The following DLG2 variants were observed in gnomAD, a reference collection of about 807,000 sequenced individuals.
The protein encoded by DLG2 is disks large homolog 2.
DLG2 carries 45 observed loss-of-function variants against 132.5 expected under a neutral mutation model. The observed-to-expected ratio is 0.34, with a 90% confidence interval of 0.27 to 0.44. The LOEUF (loss-of-function observed/expected upper bound fraction) is 0.44, where lower values mean the gene tolerates loss of function less well. Among genes scored for constraint, DLG2 ranks in the 20% least tolerant of loss-of-function variants. The pLI, the probability that DLG2 is intolerant of heterozygous loss-of-function variation, is 1.00. For synonymous variants in DLG2, 424 were observed against 419.6 expected (o/e 1.01, Z -0.13); for missense variants, 1,045 against 1,196.9 (o/e 0.87, Z 1.87).
chr11:85,334,479 TTA>T (rs2081991592), intron 3 of DLG2, among the ~76,000 whole-genome samples: 1 of 152,190 alleles, frequency 6.6e-6, no homozygotes, highest in Admixed American at 6.5e-5. Context: ...AGCTTTAGCA[TTA>T]GTTTGCTCTT....
At chr11:85,243,484 G>C (rs2075990045) in intron 4 of DLG2, among the ~76,000 whole-genome samples, 2 of 152,026 alleles carry the variant, frequency 1.3e-5, no homozygotes, top group South Asian at 4.1e-4. Flanking sequence ...TTTTTGCTAT[G>C]ACTACAAGTT....
At chr11:83,510,093 C>T (rs2094927670) in intron 21 of DLG2, among the ~76,000 whole-genome samples, 1 of 152,176 alleles carries the variant, frequency 6.6e-6, no homozygotes. Flanking sequence ...GTCACTTTTG[C>T]TCCCTGAACA....
chr11:83,975,128 A>G (rs2092003857), intron 12 of DLG2, among the ~76,000 whole-genome samples: 1 of 152,076 alleles, frequency 6.6e-6, no homozygotes, highest in Non-Finnish European at 1.5e-5. Flanking sequence ...GAAAAAGGGG[A>G]AGAAGTTAAC....
intron 6 of DLG2, among the ~76,000 whole-genome samples, chr11:84,845,526 G>A (rs150318230): frequency 6.6e-6 from 1 of 152,142 alleles, no homozygotes; most frequent in South Asian, 2.1e-4. Flanking sequence ...CTAACATCCA[G>A]TGAACATGTC....
At chr11:84,744,020 G>A (rs996632318) in intron 6 of DLG2, among the ~76,000 whole-genome samples, 2 of 152,138 alleles carry the variant, frequency 1.3e-5, no homozygotes, top group African/African-American at 4.8e-5. Context: ...CACCGTGCCC[G>A]GCCGGAAACA....
intron 3 of DLG2, among the ~76,000 whole-genome samples, chr11:85,563,432 G>C (rs946772442): frequency 5.3e-5 from 8 of 150,230 alleles, no homozygotes; most frequent in Non-Finnish European, 1.2e-4. Flanking sequence ...AAAAAAAAAA[G>C]TTCCTTTGTG....
intron 21 of DLG2, among the ~76,000 whole-genome samples, chr11:83,508,219 G>C (rs1336508638): frequency 6.6e-6 from 1 of 150,770 alleles, no homozygotes; most frequent in Admixed American, 6.6e-5. Context: ...CTCAAATTGT[G>C]TCTTTTTCCC....
intron 3 of DLG2, among the ~76,000 whole-genome samples, chr11:85,592,559 G>C (rs1335779375): frequency 1.3e-5 from 2 of 152,088 alleles, no homozygotes; most frequent in Non-Finnish European, 2.9e-5. Flanking sequence ...TCTATCCATA[G>C]AATAATTATT....
intron 6 of DLG2, among the ~76,000 whole-genome samples, chr11:85,004,009 TG>T (rs1472934252): frequency 6.6e-6 from 1 of 152,186 alleles, no homozygotes; most frequent in Non-Finnish European, 1.5e-5. Context: ...CTGAAAATGA[TG>T]GTTTCCAGCT....
chr11:84,488,581 G>A (rs1603135255), intron 7 of DLG2, among the ~76,000 whole-genome samples: 1 of 152,046 alleles, frequency 6.6e-6, no homozygotes, highest in East Asian at 1.9e-4. Context: ...CCAGCACCCT[G>A]CATTTTCCAT....
At chr11:84,591,680 A>T (rs1259194681) in intron 6 of DLG2, among the ~76,000 whole-genome samples, 1 of 151,836 alleles carries the variant, frequency 6.6e-6, no homozygotes, top group African/African-American at 2.4e-5. Context: ...AAAAAAATAA[A>T]AATAATAATA....
intron 14 of DLG2, among the ~76,000 whole-genome samples, chr11:83,937,825 G>A (rs2081840849): frequency 6.6e-6 from 1 of 152,170 alleles, no homozygotes. Context: ...CAATTTAGTT[G>A]TGGTATGTTG....
chr11:83,829,873 T>A (rs2053965624), intron 17 of DLG2, among the ~76,000 whole-genome samples: 2 of 152,278 alleles, frequency 1.3e-5, no homozygotes, highest in East Asian at 1.9e-4. Flanking sequence ...ATTAGGTATA[T>A]CCCCTAATGC....
chr11:84,841,677 C>A (rs973366075), intron 6 of DLG2, among the ~76,000 whole-genome samples: 1 of 151,948 alleles, frequency 6.6e-6, no homozygotes, highest in African/African-American at 2.4e-5. Context: ...CTGAACAGTT[C>A]CATTTTTCCA....
intron 16 of DLG2, among the ~76,000 whole-genome samples, chr11:83,872,447 A>G (rs2063655084): frequency 6.6e-6 from 1 of 152,218 alleles, no homozygotes; most frequent in South Asian, 2.1e-4. Flanking sequence ...TATTCACTAG[A>G]TATAAGGCAA....
intron 3 of DLG2, among the ~76,000 whole-genome samples, chr11:85,455,675 C>A (rs1043435400): frequency 1.3e-5 from 2 of 152,024 alleles, no homozygotes; most frequent in African/African-American, 4.8e-5. Context: ...ACAGATGGCT[C>A]TTATTATTTT....
intron 6 of DLG2, among the ~76,000 whole-genome samples, chr11:84,851,127 AC>A (rs1051595991): frequency 1.3e-5 from 2 of 152,050 alleles, no homozygotes; most frequent in Non-Finnish European, 2.9e-5. Flanking sequence ...ATCCCAGAAT[AC>A]CTCCATATGC....
chr11:83,889,304 A>G (rs1425916683), intron 15 of DLG2, among the ~76,000 whole-genome samples: 1 of 152,100 alleles, frequency 6.6e-6, no homozygotes, highest in Non-Finnish European at 1.5e-5. Flanking sequence ...AAGGACATGA[A>G]CAGACACTTC....
chr11:83,963,535 G>A (rs898001032), intron 13 of DLG2, among the ~76,000 whole-genome samples: 2 of 151,710 alleles, frequency 1.3e-5, no homozygotes, highest in African/African-American at 2.4e-5. Flanking sequence ...CCTTTTAGGT[G>A]ACTAAAAACA....
Sources: gnomAD v4.1 joint callset for allele counts (sites outside exome capture counted in the v4.1 genomes callset) on GRCh38, gnomAD v4.1.1 for gene constraint, MANE v1.5 for transcripts, NCBI Gene and HGNC (gene_info 2026-07-23, HGNC 2026-07-21) for gene names.